PDCD6IP: variants seen among roughly 807,000 people sequenced by gnomAD.
PDCD6IP encodes programmed cell death 6-interacting protein.
PDCD6IP carries 43 observed loss-of-function variants against 103.7 expected under a neutral mutation model. The ratio of observed to expected loss-of-function variants is 0.41; its 90% confidence interval spans 0.32 to 0.53. PDCD6IP has a LOEUF of 0.53. Ranked by LOEUF, PDCD6IP falls within the 20% of genes least tolerant of loss-of-function variation. PDCD6IP has a pLI of 0.16. For missense variants in PDCD6IP, 871 were observed against 1,036.7 expected, an observed-to-expected ratio of 0.84 and a Z score of 2.20; for synonymous variants, 354 against 378.7, an observed-to-expected ratio of 0.93 and a Z score of 0.76.
intron 1 of PDCD6IP, among the ~76,000 whole-genome samples, chr3:33,804,692 A>G (rs766818063): frequency 6.6e-6 from 1 of 152,250 alleles, no homozygotes; most frequent in Non-Finnish European, 1.5e-5. Flanking sequence ...TGCTTTACAC[A>G]GGAGATTTAA....
At chr3:33,800,046 G>C (rs957279104) in intron 1 of PDCD6IP, among the ~76,000 whole-genome samples, 17 of 148,776 alleles carry the variant, frequency 1.1e-4, no homozygotes, top group Non-Finnish European at 1.5e-5. Flanking sequence ...TGTGAACCTG[G>C]GAGACGGAGC....
Position 33,853,836 on chromosome 3 carries a change from T to C in PDCD6IP, c.1891-43T>C, listed in dbSNP as rs1423041696. 3.8e-6 allele frequency: 5 copies of C among 1,333,298 alleles called. No homozygotes were observed. In the South Asian group the frequency reaches 7.0e-5, roughly 19 times the overall value. 82.6% of individuals were successfully genotyped at this position (1,333,298 alleles called of 1,614,324 possible). On this transcript the variant is annotated intron_variant, in intron 13 of 17. Transcript: ENST00000307296. ...ATAAAAATGTTATGAGCTATATTAA[T>C]TTTATAAATAAATGTAAATATGTAA...
At chr3:33,821,833 G>A (rs1415879690) in intron 3 of PDCD6IP, 122 bp from the exon 4 acceptor site, 1 of 865,440 alleles carries the variant, frequency 1.2e-6, no homozygotes, top group Non-Finnish European at 1.7e-6. Flanking sequence ...AAGAAAACAG[G>A]TCTGGAAACT....
At chr3:33,829,939 A>G (rs574319691) in intron 7 of PDCD6IP, among the ~76,000 whole-genome samples, 2 of 152,150 alleles carry the variant, frequency 1.3e-5, no homozygotes, top group South Asian at 2.1e-4. Flanking sequence ...GAGAGAGAGC[A>G]AGAGGGAGCC....
intron 1 of PDCD6IP, among the ~76,000 whole-genome samples, chr3:33,804,313 C>T (rs1323304870): frequency 1.3e-5 from 2 of 152,214 alleles, no homozygotes; most frequent in African/African-American, 4.8e-5. Flanking sequence ...CCCAAGGCTC[C>T]ACCTTAGTGA....
At chr3:33,861,366 C>A (rs1053321595) in intron 15 of PDCD6IP, among the ~76,000 whole-genome samples, 5 of 152,146 alleles carry the variant, frequency 3.3e-5, no homozygotes, top group Admixed American at 6.5e-5. Context: ...TGGTCTTGAA[C>A]TCCTGACCTC....
chr3:33,852,925 C>CTTT (rs200568485), intron 13 of PDCD6IP, among the ~76,000 whole-genome samples, 189 bp downstream of exon 13: 18,204 of 119,436 alleles, frequency 0.15, 1,643 homozygotes, highest in East Asian at 0.37. Flanking sequence ...AAAGTCACTT[C>CTTT]TTTTTTTTTT....
rs960586853 is a variant in PDCD6IP, at chr3:33,867,662, A to C, written c.*1137A>C. ...ATCTCTGCCATTAGGATATCTACTC[A>C]CTGTATAAACCTCAGTAAAAATAGT... is the stretch of plus-strand genomic sequence containing the variant. On this transcript the variant is annotated 3_prime_UTR_variant, in exon 18 of 18. Transcript: ENST00000307296. 6.6e-6 allele frequency: 1 copy of C among 152,224 alleles called. No homozygotes were observed. Among genetic ancestry groups the C allele is most frequent in the African/African-American group, 2.4e-5 (1 of 41,470 alleles). The allele number at this position is 152,224 out of a possible 1,614,324, so 9.4% of individuals were successfully genotyped here. A position where few individuals can be genotyped will look rare whatever the true frequency, so the allele number is the denominator to read the frequency against.
rs762500372 is a variant in PDCD6IP, at chr3:33,852,529, A to C, written c.1683A>C (p.Glu561Asp). Reference sequence around the variant, plus strand: ...AATCCTTATTGTCAAATCTTGATGAAGTAAAGAAGGAAAGAGAGGGTCTGG... The same window carrying C: ...AATCCTTATTGTCAAATCTTGATGACGTAAAGAAGGAAAGAGAGGGTCTGG... ...VLKSLLSNLD[E>D]VKKEREGLEN... is the part of the protein sequence containing the mutation. Residue 561 changes from glutamate to aspartate, a missense_variant, in exon 13 of 18, where the codon GAA becomes GAC. Transcript: ENST00000307296. The C allele has an allele frequency of 6.8e-5, 106 of 1,564,054 alleles. No homozygotes were observed. The highest frequency in any genetic ancestry group is 8.8e-5 in the Non-Finnish European group (102 of 1,162,856).
chr3:33,836,911 A>G (rs1697361121), intron 8 of PDCD6IP, among the ~76,000 whole-genome samples: 1 of 151,320 alleles, frequency 6.6e-6, no homozygotes, highest in South Asian at 2.1e-4. Context: ...CCACAAAAAT[A>G]TATATTTTTT....
chr3:33,826,183 A>G (rs1697120092), intron 5 of PDCD6IP, among the ~76,000 whole-genome samples: 1 of 152,182 alleles, frequency 6.6e-6, no homozygotes, highest in Non-Finnish European at 1.5e-5. Flanking sequence ...TAAGTATACA[A>G]CATAAGATTT....
intron 16 of PDCD6IP, 119 bp from the exon 17 acceptor site, chr3:33,865,124 A>G (rs906079958): frequency 9.6e-6 from 6 of 626,074 alleles, no homozygotes; most frequent in Non-Finnish European, 1.5e-5. Context: ...TAAGAATGGG[A>G]ATTAAAAATA....
intron 7 of PDCD6IP, among the ~76,000 whole-genome samples, chr3:33,831,779 C>CAG (rs1697250443): frequency 6.6e-6 from 1 of 151,882 alleles, no homozygotes; most frequent in Admixed American, 6.6e-5. Context: ...CACACACACA[C>CAG]ACATTGCACA....
intron 12 of PDCD6IP, among the ~76,000 whole-genome samples, chr3:33,849,577 A>C (rs1356735386): frequency 6.6e-6 from 1 of 152,256 alleles, no homozygotes; most frequent in Non-Finnish European, 1.5e-5. Context: ...TAATAAAGGG[A>C]TACATTTAAT....
intron 12 of PDCD6IP, among the ~76,000 whole-genome samples, chr3:33,852,211 A>T (rs1336882647): frequency 6.6e-6 from 1 of 152,232 alleles, no homozygotes; most frequent in Non-Finnish European, 1.5e-5. Flanking sequence ...AATATATGAA[A>T]TTATATTTCT....
At chr3:33,814,693 TTA>T (rs748979599) in intron 3 of PDCD6IP, among the ~76,000 whole-genome samples, 74 of 146,358 alleles carry the variant, frequency 5.1e-4, no homozygotes, top group African/African-American at 1.2e-3. Context: ...ATAATGTGTA[TTA>T]TATATATGTA....
intron 7 of PDCD6IP, among the ~76,000 whole-genome samples, 193 bp from the exon 8 acceptor site, chr3:33,835,851 T>C (rs1184394093): frequency 6.6e-6 from 1 of 152,262 alleles, no homozygotes; most frequent in African/African-American, 2.4e-5. Context: ...AGCTGTTATG[T>C]ATTATCCTTC....
intron 15 of PDCD6IP, among the ~76,000 whole-genome samples, chr3:33,856,256 A>G (rs530068613): frequency 6.6e-6 from 1 of 152,342 alleles, no homozygotes; most frequent in African/African-American, 2.4e-5. Flanking sequence ...TGCTCCTCTA[A>G]GGAACACTTT....
At position 33,836,100 on chromosome 3, in the gene PDCD6IP, G is replaced by C; in HGVS notation, c.891G>C (p.Val297=). The C allele has an allele frequency of 6.2e-7, 1 of 1,612,742 alleles. No individual in the cohort carries two copies. Among genetic ancestry groups the C allele is most frequent in the Non-Finnish European group, 8.5e-7 (1 of 1,178,988 alleles). ...VASRYDEYVN[V]KDFSDKINRA... The stretch of plus-strand genomic sequence containing the variant: ...CTCGCTATGATGAATATGTTAATGT[G>C]AAGGATTTTTCTGACAAAATCAATC... Residue 297 remains valine, a synonymous_variant, in exon 8 of 18, where the codon GTG becomes GTC. Transcript: ENST00000307296.
Sources: allele counts gnomAD v4.1 joint callset (sites outside exome capture counted in the v4.1 genomes callset), GRCh38; gene constraint gnomAD v4.1.1; transcripts MANE v1.5; gene names NCBI Gene and HGNC (gene_info 2026-07-23, HGNC 2026-07-21).